PRDX4: variants seen among roughly 807,000 people sequenced by gnomAD.
The protein encoded by PRDX4 is peroxiredoxin-4.
PRDX4 carries 12 observed loss-of-function variants against 20.5 expected under a neutral mutation model. That is an observed-to-expected ratio of 0.58 (90% CI 0.37 to 0.95). PRDX4 has a LOEUF of 0.95. PRDX4 is among the 40% of genes least tolerant of loss of function. PRDX4 has a pLI of 0.01. For missense variants in PRDX4, 180 were observed against 207.3 expected (o/e 0.87, Z 0.81); for synonymous variants, 99 against 87.5 (o/e 1.13, Z -0.73).
rs955010518 is a variant in PRDX4, at chrX:23,667,564, C to T, written c.-7C>T. 8.5e-7 allele frequency: 1 copy of T among 1,178,939 alleles called. No homozygotes were observed. Among genetic ancestry groups the T allele is most frequent in the Non-Finnish European group, 1.1e-6 (1 of 879,550 alleles). On this transcript the variant is annotated 5_prime_UTR_variant, in exon 1 of 7. Coordinates refer to ENST00000379341, the MANE Select transcript of PRDX4 (RefSeq NM_006406.2). The stretch of plus-strand genomic sequence containing the variant: ...GCCAAGGGACGTGTTTCTGCGCTCG[C>T]GTGGTCATGGAGGCGCTGCCGCTGC...
intron 6 of PRDX4, among the ~76,000 whole-genome samples, chrX:23,685,043 G>A (rs1207158407): frequency 1.8e-5 from 2 of 112,399 alleles, no homozygotes; most frequent in East Asian, 2.8e-4. Context: ...GTGATAACAC[G>A]TATGCATTTT....
chrX:23,676,085 G>A (rs1256148624), intron 3 of PRDX4, among the ~76,000 whole-genome samples: 2 of 95,448 alleles, frequency 2.1e-5, no homozygotes, highest in African/African-American at 4.0e-5. Flanking sequence ...CCGAGGTCAC[G>A]CCATTGCACT....
At chrX:23,671,322 C>T (rs920036925) in intron 1 of PRDX4, 2 of 330,939 alleles carry the variant, frequency 6.0e-6, no homozygotes, top group Non-Finnish European at 1.0e-5. Flanking sequence ...TTTATAATTG[C>T]ATTTAAATAC....
At position 23,667,897 on chromosome X, in the gene PRDX4, G is replaced by A. The variant is rs1038740922; in HGVS notation, c.241+86G>A. On this transcript the variant is annotated intron_variant, in intron 1 of 6. Transcript: ENST00000379341. ...ACACCCCCGGAATCTGGGCTTGGGC[G>A]GCACCCCCTGGGCTGCCTCCGGGCC... 25 of 1,155,710 alleles carry A rather than the reference G, an allele frequency of 2.2e-5. No homozygotes were observed. The East Asian group carries it at 7.1e-4, about 33-fold the overall frequency.
chrX:23,686,219 C>G, intron 6 of PRDX4, 66 bp from the exon 7 acceptor site: 1 of 877,902 alleles, frequency 1.1e-6, no homozygotes, highest in Non-Finnish European at 1.6e-6. Context: ...CAACTAATGT[C>G]AGACTACTCA....
chrX:23,686,182 A>C lies in PRDX4; in HGVS notation c.766-103A>C, dbSNP rs1928180228. 20 of 576,395 alleles carry C rather than the reference A, an allele frequency of 3.5e-5. 1 individual carries two copies. In the South Asian group the frequency reaches 7.3e-4, roughly 21 times the overall value. The allele number at this position is 576,395 out of a possible 1,213,427, so 47.5% of individuals were successfully genotyped here. A position where few individuals can be genotyped will look rare whatever the true frequency, so the allele number is the denominator to read the frequency against. Reference sequence around the variant, plus strand: ...TTTCTAAATATACAATCTGATATACAAAAATAATTTTTAGTCAAGGCATGG... The same window carrying C: ...TTTCTAAATATACAATCTGATATACCAAAATAATTTTTAGTCAAGGCATGG... On this transcript the variant is annotated intron_variant, in intron 6 of 6. Transcript: ENST00000379341.
At chrX:23,671,454 T>TTAGA in intron 1 of PRDX4, 75 bp from the exon 2 acceptor site, 1 of 818,020 alleles carries the variant, frequency 1.2e-6, no homozygotes, top group Non-Finnish European at 1.8e-6. Flanking sequence ...TTTTTAGTGA[T>TTAGA]TTTCTAAAGA....
chrX:23,670,492 A>C (rs1427525764), intron 1 of PRDX4, among the ~76,000 whole-genome samples: 4 of 111,659 alleles, frequency 3.6e-5, no homozygotes, highest in African/African-American at 1.3e-4. Flanking sequence ...TTTTGGAGTG[A>C]CCATAAATGG....
intron 6 of PRDX4, among the ~76,000 whole-genome samples, chrX:23,684,777 C>CCCAA (rs1477886688): frequency 2.7e-5 from 3 of 111,290 alleles, no homozygotes; most frequent in African/African-American, 9.8e-5. Flanking sequence ...GCTGGGATTA[C>CCCAA]AGGCATGAGG....
At chrX:23,683,008 T>G (rs1446213498) in intron 5 of PRDX4, among the ~76,000 whole-genome samples, 4 of 107,571 alleles carry the variant, frequency 3.7e-5, no homozygotes, top group African/African-American at 1.3e-4. Context: ...AAGCTTAGAA[T>G]GTGTCAATCT....
At chrX:23,668,347 T>C (rs1927773642) in intron 1 of PRDX4, among the ~76,000 whole-genome samples, 1 of 112,517 alleles carries the variant, frequency 8.9e-6, no homozygotes, top group Non-Finnish European at 1.9e-5. Context: ...GTGTAGTTAA[T>C]GGATATTCCT....
chrX:23,675,156 T>C, intron 3 of PRDX4, 50 bp downstream of exon 3: 1 of 1,210,838 alleles, frequency 8.3e-7, no homozygotes, highest in Non-Finnish European at 1.1e-6. Flanking sequence ...GGATTTACTC[T>C]TAAAGCATGG....
intron 6 of PRDX4, among the ~76,000 whole-genome samples, chrX:23,685,655 C>CTTTACCTATAAATAGGTAAATAGTTA (rs1928169502): frequency 9.0e-6 from 1 of 110,651 alleles, no homozygotes; most frequent in African/African-American, 3.3e-5. Flanking sequence ...GATAGATGTA[C>CTTTACCTATAAATAGGTAAATAGTTA]TTTACCTATA....
At chrX:23,677,995 G>A (rs920522472) in intron 3 of PRDX4, among the ~76,000 whole-genome samples, 2 of 112,287 alleles carry the variant, frequency 1.8e-5, no homozygotes, top group Non-Finnish European at 3.8e-5. Flanking sequence ...AGCCCCAGCC[G>A]GGCACAGTGG....
intron 3 of PRDX4, 85 bp from the exon 4 acceptor site, chrX:23,679,080 T>C: frequency 1.0e-6 from 1 of 964,319 alleles, no homozygotes; most frequent in Non-Finnish European, 1.4e-6. Flanking sequence ...TTCATGTGTG[T>C]GCGTGTGCAT....
At position 23,682,244 on chromosome X, in the gene PRDX4, C is replaced by CGT. The variant is rs9331476; in HGVS notation, c.600-131_600-130dup. The CGT allele has an allele frequency of 1.9e-3, 337 of 179,000 alleles. 1 individual carries two copies. The South Asian group carries it at 0.043, about 23-fold the overall frequency. 14.8% of individuals were successfully genotyped at this position (179,000 alleles called of 1,213,427 possible). A position where few individuals can be genotyped will look rare whatever the true frequency, so the allele number is the denominator to read the frequency against. On this transcript the variant is annotated intron_variant, in intron 4 of 6. Transcript: ENST00000379341. ...GGAGGGATGTCCACAGGTGTGTGTA[C>CGT]GTGTGTGTGTGTGTGTGTGTGTATA...
At chrX:23,679,348 T>C in intron 4 of PRDX4, 61 bp downstream of exon 4, 1 of 1,058,188 alleles carries the variant, frequency 9.5e-7, no homozygotes, top group Non-Finnish European at 1.3e-6. Flanking sequence ...CTCCTTGAAA[T>C]AGATGTTATT....
chrX:23,684,987 T>G (rs1348506402), intron 6 of PRDX4, among the ~76,000 whole-genome samples: 1 of 112,265 alleles, frequency 8.9e-6, no homozygotes, highest in African/African-American at 3.2e-5. Context: ...ATACAACTAT[T>G]ATTTGTCAAT....
intron 1 of PRDX4, 47 bp downstream of exon 1, chrX:23,667,858 C>T: frequency 2.5e-6 from 3 of 1,193,746 alleles, no homozygotes; most frequent in African/African-American, 1.7e-5. Flanking sequence ...TCCGGAGACA[C>T]GTGTACCCCG....
Sources: gnomAD v4.1 joint callset for allele counts (sites outside exome capture counted in the v4.1 genomes callset) on GRCh38, gnomAD v4.1.1 for gene constraint, MANE v1.5 for transcripts, NCBI Gene and HGNC (gene_info 2026-07-23, HGNC 2026-07-21) for gene names.